The following TMEM181 variants were observed in gnomAD, a reference collection of about 807,000 sequenced individuals.
TMEM181 encodes the protein transmembrane protein 181.
TMEM181 carries 39 observed loss-of-function variants against 71.9 expected under a neutral mutation model. The observed-to-expected ratio is 0.54, with a 90% CI of 0.42 to 0.71. The LOEUF (loss-of-function observed/expected upper bound fraction) is 0.71, where lower values mean the gene tolerates loss of function less well. Ranked by LOEUF, TMEM181 falls within the 30% of genes least tolerant of loss-of-function variation. The pLI is 0.00. For missense variants in TMEM181, 595 were observed against 583.0 expected (o/e 1.02, Z -0.21); for synonymous variants, 245 against 228.8 (o/e 1.07, Z -0.64).
chr6:158,568,726 G>A (rs1159011776), intron 1 of TMEM181, among the ~76,000 whole-genome samples: 2 of 152,144 alleles, frequency 1.3e-5, no homozygotes, highest in African/African-American at 4.8e-5. Context: ...GCTGCCAGTG[G>A]GTTTCTGTTG....
chr6:158,562,077 G>T (rs1304645059), intron 1 of TMEM181, among the ~76,000 whole-genome samples: 1 of 152,048 alleles, frequency 6.6e-6, no homozygotes, highest in Admixed American at 6.5e-5. Flanking sequence ...AGGAGCAGGG[G>T]CAGCTCCACC....
rs35963539 is a variant in TMEM181, at chr6:158,630,714, T to TA, written c.1283-596dup. On this transcript the variant is annotated intron_variant, in intron 15 of 16. Transcript: ENST00000684151. The stretch of plus-strand genomic sequence containing the variant: ...GCATCTGTAGTAGTGTTGTTACCAT[T>TA]AAAAAAAAAAAAAGCCAAAACATAC... Among the ~76,000 whole-genome samples the TA allele has an allele frequency of 6.7e-4, 95 of 141,638 alleles. 1 individual carries two copies. Among genetic ancestry groups the TA allele is most frequent in the East Asian group, 3.7e-3 (18 of 4,854 alleles). The allele number at this position is 141,638 out of a possible 152,430, so 92.9% of individuals were successfully genotyped here.
chr6:158,611,364 C>T (rs1433822710), intron 10 of TMEM181: 14 of 528,470 alleles, frequency 2.6e-5, no homozygotes, highest in African/African-American at 1.2e-4. Context: ...CCTTCCTTTT[C>T]GGCATTGATT....
At chr6:158,595,267 GC>G (rs1488776381) in intron 6 of TMEM181, among the ~76,000 whole-genome samples, 12 of 152,100 alleles carry the variant, frequency 7.9e-5, no homozygotes, top group African/African-American at 2.9e-4. Context: ...ATTATAAGCT[GC>G]TTTCATTTCT....
rs144142307 is a variant in TMEM181 at position 158,579,085 on chromosome 6, C to G, written c.113-1855C>G. On this transcript the variant is annotated intron_variant, in intron 2 of 16. Transcript: ENST00000684151. ...TCCAGCCTAACCAACATGGTGAAAC[C>G]CCGTCTCTACTAAAAATACAAAAAT... Among the ~76,000 whole-genome samples, 982 of 151,656 alleles carry G rather than the reference C, an allele frequency of 6.5e-3. 9 individuals carry two copies. Among genetic ancestry groups the G allele is most frequent in the African/African-American group, 0.022 (910 of 41,324 alleles).
chr6:158,556,062 T>C (rs921681761), upstream of TMEM181, among the ~76,000 whole-genome samples: 1 of 152,220 alleles, frequency 6.6e-6, no homozygotes, highest in Non-Finnish European at 1.5e-5. Flanking sequence ...ATGTCAATTC[T>C]GCAGAAACCA....
In TMEM181 at chr6:158,537,885, A is replaced by G. The variant is rs188275062; in HGVS notation, c.131+1020A>G. Among the ~76,000 whole-genome samples, 1,368 of 152,228 alleles carry G rather than the reference A, an allele frequency of 9.0e-3. 10 individuals are homozygous for G. Among genetic ancestry groups the G allele is most frequent in the Non-Finnish European group, 0.016 (1,079 of 68,008 alleles). ...ACACTTATCCTCACATCTGTTAAAAAACCTAATGCCTTCCCACGGGCTAAT... is the reference window on the plus strand; with the variant it reads ...ACACTTATCCTCACATCTGTTAAAAGACCTAATGCCTTCCCACGGGCTAAT... On this transcript the variant is annotated intron_variant, in intron 1 of 16. Coordinates refer to the TMEM181 transcript ENST00000367090.
chr6:158,572,424 AAC>A (rs1414423845), intron 1 of TMEM181: 1 of 456,612 alleles, frequency 2.2e-6, no homozygotes, highest in Non-Finnish European at 4.4e-6. Context: ...GACAACAGAG[AAC>A]ACAGAAGAGA....
intron 1 of TMEM181, among the ~76,000 whole-genome samples, chr6:158,541,609 G>A (rs980420768): frequency 2.6e-5 from 4 of 152,222 alleles, no homozygotes; most frequent in Non-Finnish European, 2.9e-5. Context: ...CTCATGTTCC[G>A]TTTCCACGCC....
chr6:158,626,921 TTC>T (rs1786321907), intron 13 of TMEM181, among the ~76,000 whole-genome samples: 1 of 82,220 alleles, frequency 1.2e-5, no homozygotes, highest in Non-Finnish European at 2.4e-5. Flanking sequence ...CTCACCCTCA[TTC>T]TCACCCTCAT....
chr6:158,610,629 T>C, intron 10 of TMEM181: 1 of 338,616 alleles, frequency 3.0e-6, no homozygotes, highest in Non-Finnish European at 5.4e-6. Flanking sequence ...CCCGAGCTTC[T>C]GGAGAAGTGA....
chr6:158,560,012 GC>G, upstream of TMEM181: 1 of 982,280 alleles, frequency 1.0e-6, no homozygotes, highest in Non-Finnish European at 1.2e-6. Context: ...CGCGCCCGCG[GC>G]CCCGCTTCCA....
At chr6:158,568,060 A>G (rs1376511462) in intron 1 of TMEM181, among the ~76,000 whole-genome samples, 1 of 152,044 alleles carries the variant, frequency 6.6e-6, no homozygotes, top group Non-Finnish European at 1.5e-5. Flanking sequence ...TGGGGCCTGA[A>G]CAGTGGGACT....
At chr6:158,602,074 G>A (rs1195452338) in intron 6 of TMEM181, among the ~76,000 whole-genome samples, 1 of 152,108 alleles carries the variant, frequency 6.6e-6, no homozygotes, top group Non-Finnish European at 1.5e-5. Context: ...ACATCTTCTT[G>A]TGCCCCTTCC....
At chr6:158,599,634 G>C (rs1177731835) in intron 6 of TMEM181, among the ~76,000 whole-genome samples, 1 of 152,206 alleles carries the variant, frequency 6.6e-6, no homozygotes, top group Non-Finnish European at 1.5e-5. Context: ...ACCTGGCAGT[G>C]CCCACGGGAC....
chr6:158,582,404 C>T (rs1324991916), intron 3 of TMEM181, among the ~76,000 whole-genome samples: 1 of 152,134 alleles, frequency 6.6e-6, no homozygotes, highest in African/African-American at 2.4e-5. Flanking sequence ...AATCTTTAGT[C>T]CTAGGGAGTT....
chr6:158,623,588 T>C lies in TMEM181; in HGVS notation c.935T>C (p.Val312Ala), dbSNP rs368115901. The C allele has an allele frequency of 1.1e-4, 181 of 1,584,240 alleles. No individual in the cohort carries two copies. Among genetic ancestry groups the C allele is most frequent in the Non-Finnish European group, 1.5e-4 (170 of 1,162,712 alleles). The change falls in exon 11 of 17, where the codon GTT becomes GCT. Residue 312 changes from valine to alanine, a missense_variant. By Grantham distance (64) the Val-to-Ala change is moderately conservative (BLOSUM62 0). Coordinates refer to ENST00000684151, the MANE Select transcript of TMEM181 (RefSeq NM_001376852.1). ...CATGATCCAATGTACCAGTATCGAG[T>C]TGATACCGGAAATTTTCAGGTAAGG... ...ELHDPMYQYR[V>A]DTGNFQGMKV...
intron 1 of TMEM181, chr6:158,572,495 A>G (rs550715842): frequency 4.4e-6 from 2 of 456,578 alleles, no homozygotes; most frequent in South Asian, 3.1e-5. Context: ...CTCAGGGCAC[A>G]GGGCGGGGGC....
upstream of TMEM181, among the ~76,000 whole-genome samples, chr6:158,556,242 C>T (rs1005629346): frequency 1.3e-5 from 2 of 152,182 alleles, no homozygotes; most frequent in East Asian, 3.8e-4. Context: ...AGAGAAGAGT[C>T]GCCTTGGCCA....
Sources: allele counts gnomAD v4.1 joint callset (sites outside exome capture counted in the v4.1 genomes callset), GRCh38; gene constraint gnomAD v4.1.1; transcripts MANE v1.5; gene names NCBI Gene and HGNC (gene_info 2026-07-23, HGNC 2026-07-21).